The following RBM5 variants were observed in gnomAD, a reference collection of about 807,000 sequenced individuals.
RBM5 encodes RNA binding motif protein 5, also known as RNA-binding protein 5.
Under a neutral mutation model 124.6 loss-of-function variants are expected in RBM5, and 15 were observed. That is an observed-to-expected ratio of 0.12 (90% CI 0.08 to 0.19). The LOEUF (loss-of-function observed/expected upper bound fraction) is 0.19, where lower values mean the gene tolerates loss of function less well. Among genes scored for constraint, RBM5 ranks in the 10% least tolerant of loss-of-function variants. RBM5 has a pLI of 1.00. For synonymous variants in RBM5, 337 were observed against 361.2 expected, an observed-to-expected ratio of 0.93 and a Z score of 0.76; for missense variants, 580 against 1,026.5, an observed-to-expected ratio of 0.57 and a Z score of 5.94.
chr3:50,089,789 T>C (rs2090670944), intron 1 of RBM5: 1 of 153,380 alleles, frequency 6.5e-6, no homozygotes, highest in Non-Finnish European at 1.5e-5. Context: ...CACTACTCAG[T>C]GGTTTGTAGT....
At chr3:50,108,009 T>C in intron 12 of RBM5, 61 bp from the exon 13 acceptor site, 1 of 1,418,112 alleles carries the variant, frequency 7.1e-7, no homozygotes, top group Admixed American at 1.7e-5. Context: ...TTTAGGGACT[T>C]CTGAATTTTT....
chr3:50,095,581 G>T (rs192866488), intron 4 of RBM5, among the ~76,000 whole-genome samples: 1 of 151,914 alleles, frequency 6.6e-6, no homozygotes, highest in East Asian at 2.0e-4. Context: ...CTGGACTTTG[G>T]ACATGTCCAT....
rs985253767 is a variant in RBM5, at chr3:50,109,138, A to G, written c.1193-465A>G. The stretch of plus-strand genomic sequence containing the variant: ...GCCCAGGCTGGAGTGCGGTGGCGTT[A>G]TCTCGGTTCACTGTGAGCTCTGCCT... On this transcript the variant is annotated intron_variant, in intron 14 of 24. Coordinates refer to ENST00000347869, the MANE Select transcript of RBM5 (RefSeq NM_005778.4). Among the ~76,000 whole-genome samples, 16 of 151,570 alleles carry G rather than the reference A, an allele frequency of 1.1e-4. No homozygotes were observed. In the East Asian group the frequency reaches 3.1e-3, roughly 29 times the overall value.
chr3:50,114,021 G>A lies in RBM5; in HGVS notation c.1689G>A (p.Gln563=). ...KQKENFKNSF[Q]PVNSLREEER... ...AAGAAAACTTTAAAAATAGCTTTCA[G>A]CCTGTCAATTCCTTGAGGGAAGAAG... is the stretch of plus-strand genomic sequence containing the variant. The change falls in exon 19 of 25, where the codon CAG becomes CAA. Residue 563 remains glutamine, a synonymous_variant. Coordinates refer to ENST00000347869, the MANE Select transcript of RBM5 (RefSeq NM_005778.4). 1.2e-6 allele frequency: 2 copies of A among 1,614,210 alleles called. No individual in the cohort carries two copies. Among genetic ancestry groups the A allele is most frequent in the South Asian group, 1.1e-5 (1 of 91,086 alleles).
At chr3:50,104,976 G>GTT in intron 8 of RBM5, 101 bp from the exon 9 acceptor site, 1 of 915,950 alleles carries the variant, frequency 1.1e-6, no homozygotes, top group East Asian at 2.5e-5. Flanking sequence ...AAAAACGATT[G>GTT]TTTTGTGTGG....
chr3:50,090,430 G>A lies in RBM5; in HGVS notation c.-5G>A, dbSNP rs750629007. On this transcript the variant is annotated 5_prime_UTR_variant, in exon 2 of 25. Transcript: ENST00000347869. Reference sequence around the variant, plus strand: ...GGAGCTGTGTGCTAAATCTTCAGTGGGACAATGGGTTCAGACAAAAGGTAA... The same window carrying A: ...GGAGCTGTGTGCTAAATCTTCAGTGAGACAATGGGTTCAGACAAAAGGTAA... 33 of 1,613,948 alleles carry A rather than the reference G, an allele frequency of 2.0e-5. No individual in the cohort carries two copies. The highest frequency in any genetic ancestry group is 2.7e-5 in the Non-Finnish European group (32 of 1,179,938).
intron 6 of RBM5, chr3:50,101,542 A>G (rs1276802008): frequency 1.3e-5 from 2 of 152,198 alleles, no homozygotes; most frequent in Admixed American, 1.3e-4. Context: ...TTCCTAACCC[A>G]GAAATCACAG....
intron 18 of RBM5, 43 bp downstream of exon 18, chr3:50,113,587 G>A (rs1349100248): frequency 6.4e-7 from 1 of 1,554,082 alleles, no homozygotes; most frequent in Admixed American, 2.0e-5. Context: ...GTATTGGGCT[G>A]AACTCTTAGT....
In RBM5 at chr3:50,105,545, C is replaced by T; in HGVS notation, c.695-4C>T. 6.2e-7 allele frequency: 1 copy of T among 1,612,832 alleles called. No homozygotes were observed. Reference sequence around the variant, plus strand: ...TGTATGTCATTTGTCTCATTTACCCCTAGCGATCATTCTTCGGAACATAGC... The same window carrying T: ...TGTATGTCATTTGTCTCATTTACCCTTAGCGATCATTCTTCGGAACATAGC... On this transcript the variant is annotated splice_region_variant and splice_polypyrimidine_tract_variant and intron_variant, in intron 9 of 24. Coordinates refer to ENST00000347869, the MANE Select transcript of RBM5 (RefSeq NM_005778.4).
Position 50,095,065 on chromosome 3 carries a change from G to T in RBM5, c.339+1190G>T, listed in dbSNP as rs572161435. 2.0e-5 allele frequency among the ~76,000 whole-genome samples: 3 copies of T among 152,240 alleles called. No homozygotes were observed. The South Asian group carries it at 6.2e-4, about 32-fold the overall frequency. On this transcript the variant is annotated intron_variant, in intron 4 of 24. Coordinates refer to ENST00000347869, the MANE Select transcript of RBM5 (RefSeq NM_005778.4). ...ATACAAGAATTAGCTAGGTGTGGTG[G>T]TGCATACCTGTAGTCCCAGCTACTT...
chr3:50,118,380 A>G lies in RBM5; in HGVS notation c.2372A>G (p.Tyr791Cys), dbSNP rs774163209. The G allele has an allele frequency of 2.5e-6, 4 of 1,613,996 alleles. No homozygotes were observed. Among genetic ancestry groups the G allele is most frequent in the African/African-American group, 1.3e-5 (1 of 74,896 alleles). The change falls in exon 25 of 25, where the codon TAT (tyrosine) becomes TGT (cysteine). Residue 791 changes from tyrosine to cysteine, a missense_variant. Around this residue, in one of 6 missense-constraint regions of RBM5, gnomAD observed 234 missense variants for 435.1 expected, o/e 0.54. Coordinates refer to ENST00000347869, the MANE Select transcript of RBM5 (RefSeq NM_005778.4). Reference sequence around the variant, plus strand: ...GGCCTAGGAGCCAAAGGCAGCGCATATGGTTTGTCGGGCGCCGATTCCTAC... The same window carrying G: ...GGCCTAGGAGCCAAAGGCAGCGCATGTGGTTTGTCGGGCGCCGATTCCTAC... ...GAGLGAKGSA[Y>C]GLSGADSYKD...
Position 50,100,476 on chromosome 3 carries a change from T to G in RBM5, c.410-56T>G. 1 of 1,436,344 alleles carries G rather than the reference T, an allele frequency of 7.0e-7. No individual in the cohort carries two copies. The highest frequency in any genetic ancestry group is 9.8e-7 in the Non-Finnish European group (1 of 1,022,208). 89.0% of individuals were successfully genotyped at this position (1,436,344 alleles called of 1,614,324 possible). A position where few individuals can be genotyped will look rare whatever the true frequency, so the allele number is the denominator to read the frequency against. On this transcript the variant is annotated intron_variant, in intron 5 of 24. Coordinates refer to ENST00000347869, the MANE Select transcript of RBM5 (RefSeq NM_005778.4). The surrounding 1 kb of genome is among the most constrained non-coding windows in gnomAD (Gnocchi z 5.1). Reference sequence around the variant, plus strand: ...AAGCAGTGGGAGAGAGATTCACCTGTTATAAAGGAACTGACTAACACAAGT... The same window carrying G: ...AAGCAGTGGGAGAGAGATTCACCTGGTATAAAGGAACTGACTAACACAAGT...
intron 4 of RBM5, among the ~76,000 whole-genome samples, chr3:50,098,546 G>A (rs1224802627): frequency 6.6e-6 from 1 of 151,926 alleles, no homozygotes; most frequent in Non-Finnish European, 1.5e-5. Flanking sequence ...GGGGTCAAGC[G>A]ATTCTCTTGC....
intron 4 of RBM5, 55 bp downstream of exon 4, chr3:50,093,930 C>T (rs911998214): frequency 2.1e-5 from 33 of 1,544,194 alleles, no homozygotes; most frequent in Non-Finnish European, 2.8e-5. Flanking sequence ...GAACTTTGAG[C>T]TTCTACCATT....
intron 4 of RBM5, among the ~76,000 whole-genome samples, chr3:50,094,831 C>G (rs1559678448): frequency 6.6e-6 from 1 of 152,184 alleles, no homozygotes; most frequent in Admixed American, 6.5e-5. Context: ...GTTGCTCAAC[C>G]TGTATCTATC....
intron 6 of RBM5, chr3:50,101,174 TCTC>T (rs1469727474): frequency 1.3e-5 from 2 of 152,186 alleles, no homozygotes; most frequent in African/African-American, 4.8e-5. Flanking sequence ...AACATTCTAA[TCTC>T]CTTGAGAATG....
intron 7 of RBM5, 104 bp from the exon 8 acceptor site, chr3:50,104,144 C>A: frequency 2.2e-6 from 2 of 911,728 alleles, no homozygotes; most frequent in Non-Finnish European, 3.5e-6. Context: ...AGACTTTCTG[C>A]TTTTCTGTTA....
intron 22 of RBM5, 173 bp from the exon 23 acceptor site, chr3:50,116,901 A>T: frequency 1.6e-6 from 1 of 609,710 alleles, no homozygotes; most frequent in Non-Finnish European, 2.9e-6. Context: ...TTAACATTTC[A>T]GATATGACTA....
intron 6 of RBM5, 60 bp from the exon 7 acceptor site, chr3:50,103,023 C>T (rs1425445788): frequency 1.5e-6 from 2 of 1,361,342 alleles, no homozygotes; most frequent in Non-Finnish European, 2.1e-6. Context: ...GTGCTCTGCC[C>T]TGGGAAAATG....
Sources: allele counts gnomAD v4.1 joint callset (sites outside exome capture counted in the v4.1 genomes callset), GRCh38; gene constraint gnomAD v4.1.1; regional missense constraint gnomAD v4.1.1; non-coding constraint Gnocchi (gnomAD v3.1); transcripts MANE v1.5; gene names NCBI Gene and HGNC (gene_info 2026-07-23, HGNC 2026-07-21).